Variants in CNTN3 observed in about 807,000 individuals in gnomAD.
CNTN3 encodes contactin-3.
Under a neutral mutation model 119.1 loss-of-function variants are expected in CNTN3, and 60 were observed. That is an observed-to-expected ratio of 0.50 (90% CI 0.41 to 0.62). CNTN3 has a LOEUF of 0.62. CNTN3 is among the 20% of genes least tolerant of loss of function. The pLI is 0.00. For missense variants in CNTN3, 1,101 were observed against 1,242.4 expected (o/e 0.89, Z 1.71); for synonymous variants, 450 against 438.7 (o/e 1.03, Z -0.32).
intron 5 of CNTN3, among the ~76,000 whole-genome samples, chr3:74,422,013 A>G (rs1701623377): frequency 6.6e-6 from 1 of 152,226 alleles, no homozygotes; most frequent in South Asian, 2.1e-4. Context: ...CTCAAAAAGC[A>G]TGTATAACTG....
chr3:74,292,654 TC>T (rs755834622), intron 19 of CNTN3, among the ~76,000 whole-genome samples: 2 of 152,266 alleles, frequency 1.3e-5, no homozygotes, highest in South Asian at 4.1e-4. Flanking sequence ...CCTCCCAATA[TC>T]CTAATGAGGT....
Position 74,302,728 on chromosome 3 carries a change from A to T in CNTN3, c.1748T>A (p.Val583Glu), listed in dbSNP as rs755808433. ...GKYVCMVQTG[V>E]DSVSSAADLI... ...GTCAGCAGCAGATGAAACACTGTCC[A>T]CCCCCGTTTGCACCATACAAACATA... The change falls in exon 14 of 23, where the codon GTG becomes GAG. Residue 583 changes from valine to glutamate, a missense_variant. Coordinates refer to ENST00000263665, the MANE Select transcript of CNTN3 (RefSeq NM_020872.3). The T allele has an allele frequency of 1.9e-6, 3 of 1,612,992 alleles. No homozygotes were observed. Among genetic ancestry groups the T allele is most frequent in the Non-Finnish European group, 2.5e-6 (3 of 1,179,412 alleles).
intron 5 of CNTN3, among the ~76,000 whole-genome samples, chr3:74,407,533 A>AAAGTGCTGGGATTAC (rs1392221046): frequency 6.6e-6 from 1 of 151,176 alleles, no homozygotes; most frequent in Non-Finnish European, 1.5e-5. Flanking sequence ...TCGGCCTCTC[A>AAAGTGCTGGGATTAC]AAGTGCTGGG....
At chr3:74,560,103 C>T (rs533517102) in intron 1 of CNTN3, among the ~76,000 whole-genome samples, 45 of 152,230 alleles carry the variant, frequency 3.0e-4, no homozygotes, top group African/African-American at 8.7e-4. Context: ...GGCTGTGAAA[C>T]GAGATAGCCC....
At chr3:74,463,075 C>T (rs1237933526) in intron 4 of CNTN3, among the ~76,000 whole-genome samples, 2 of 152,112 alleles carry the variant, frequency 1.3e-5, no homozygotes, top group African/African-American at 4.8e-5. Flanking sequence ...AGAACTTGCT[C>T]ATTAAAGGAT....
chr3:74,385,236 A>G (rs1273298662), intron 5 of CNTN3, among the ~76,000 whole-genome samples: 1 of 152,210 alleles, frequency 6.6e-6, no homozygotes, highest in African/African-American at 2.4e-5. Flanking sequence ...TCTTAGGAAC[A>G]AGGATTTGGC....
intron 4 of CNTN3, among the ~76,000 whole-genome samples, chr3:74,451,456 T>C (rs1702153760): frequency 6.6e-6 from 1 of 152,128 alleles, no homozygotes; most frequent in Non-Finnish European, 1.5e-5. Flanking sequence ...TTCTCCCATT[T>C]TGTGGGTTGC....
intron 4 of CNTN3, among the ~76,000 whole-genome samples, chr3:74,469,709 C>T (rs2106997763): frequency 6.6e-6 from 1 of 152,256 alleles, no homozygotes; most frequent in East Asian, 1.9e-4. Context: ...CAAATGTTGG[C>T]TAGAATGTGG....
intron 2 of CNTN3, among the ~76,000 whole-genome samples, chr3:74,517,342 C>T (rs913926368): frequency 1.3e-5 from 2 of 151,880 alleles, no homozygotes; most frequent in South Asian, 4.1e-4. Context: ...ATTCTCCTTG[C>T]TTGGCTGCCT....
chr3:74,512,552 T>C (rs1703384693), intron 2 of CNTN3, among the ~76,000 whole-genome samples: 1 of 151,820 alleles, frequency 6.6e-6, no homozygotes, highest in Non-Finnish European at 1.5e-5. Flanking sequence ...CTCAACAAAA[T>C]AAGCAGCAAA....
At chr3:74,451,479 A>C (rs1304806371) in intron 4 of CNTN3, among the ~76,000 whole-genome samples, 3 of 151,960 alleles carry the variant, frequency 2.0e-5, no homozygotes, top group Non-Finnish European at 4.4e-5. Flanking sequence ...GTTCACTCTG[A>C]TGGTAGTTTC....
intron 5 of CNTN3, among the ~76,000 whole-genome samples, chr3:74,415,138 A>T (rs1490855813): frequency 2.0e-5 from 3 of 152,132 alleles, no homozygotes; most frequent in African/African-American, 7.2e-5. Context: ...GGATGGAATC[A>T]GAGCAAGAAG....
At chr3:74,609,075 G>A (rs1379127234) in intron 1 of CNTN3, among the ~76,000 whole-genome samples, 2 of 152,154 alleles carry the variant, frequency 1.3e-5, no homozygotes, top group Non-Finnish European at 2.9e-5. Context: ...AGAGTGGAGT[G>A]GAAGTCATGG....
At chr3:74,541,072 C>T (rs1050162074) in intron 1 of CNTN3, among the ~76,000 whole-genome samples, 3 of 152,094 alleles carry the variant, frequency 2.0e-5, no homozygotes, top group African/African-American at 7.2e-5. Flanking sequence ...TAAAAAGTTA[C>T]AGGGTATCAA....
intron 1 of CNTN3, among the ~76,000 whole-genome samples, chr3:74,545,970 G>T (rs1003593996): frequency 6.6e-6 from 1 of 151,814 alleles, no homozygotes; most frequent in East Asian, 1.9e-4. Context: ...TTCTTAATTT[G>T]GTTTCATTTC....
intron 1 of CNTN3, among the ~76,000 whole-genome samples, chr3:74,560,059 A>G (rs1365691188): frequency 1.3e-5 from 2 of 152,210 alleles, no homozygotes; most frequent in African/African-American, 4.8e-5. Context: ...GCATGACCAT[A>G]GAGGATGTCA....
At chr3:74,344,842 T>A (rs1422612754) in intron 11 of CNTN3, among the ~76,000 whole-genome samples, 1 of 150,436 alleles carries the variant, frequency 6.6e-6, no homozygotes, top group Non-Finnish European at 1.5e-5. Flanking sequence ...GTAGAACAAA[T>A]GTGTGTGTGC....
At chr3:74,291,727 T>C (rs1280680844) in intron 19 of CNTN3, among the ~76,000 whole-genome samples, 1 of 152,168 alleles carries the variant, frequency 6.6e-6, no homozygotes, top group East Asian at 1.9e-4. Flanking sequence ...TTGAATTCCA[T>C]ATCCTGCTCA....
At chr3:74,579,692 A>G (rs1422750603) in intron 1 of CNTN3, among the ~76,000 whole-genome samples, 1 of 152,152 alleles carries the variant, frequency 6.6e-6, no homozygotes, top group African/African-American at 2.4e-5. Context: ...ATTAAAGATA[A>G]AATAGAAAAT....
Sources: allele counts gnomAD v4.1 joint callset (sites outside exome capture counted in the v4.1 genomes callset), GRCh38; gene constraint gnomAD v4.1.1; transcripts MANE v1.5; gene names NCBI Gene and HGNC (gene_info 2026-07-23, HGNC 2026-07-21).